Variants in SCRG1 observed in about 807,000 individuals in gnomAD.
SCRG1 encodes the protein stimulator of chondrogenesis 1, also known as scrapie-responsive protein 1.
SCRG1 carries 3 observed loss-of-function variants against 7.7 expected under a neutral mutation model. The observed-to-expected ratio is 0.39, with a 90% confidence interval of 0.18 to 1.01. The LOEUF (loss-of-function observed/expected upper bound fraction) is 1.01. Ranked by LOEUF, SCRG1 falls within the 50% of genes least tolerant of loss-of-function variation. The probability of loss-of-function intolerance (pLI) is 0.36; values close to 1 mark genes in which losing one functional copy is unlikely to be tolerated. For missense variants in SCRG1, 110 were observed against 117.2 expected (o/e 0.94, Z 0.28); for synonymous variants, 46 against 41.2 (o/e 1.12, Z -0.44).
At chr4:173,391,079 G>T (rs1739423087) in intron 2 of SCRG1, 94 bp downstream of exon 2, 5 of 1,302,026 alleles carry the variant, frequency 3.8e-6, no homozygotes, top group Non-Finnish European at 5.4e-6. Context: ...TACTAAAAGG[G>T]TTATTAATTT....
rs533541705 is a variant in SCRG1, at chr4:173,390,559, G to C, written c.242+614C>G. Among the ~76,000 whole-genome samples, 15 of 149,572 alleles carry C rather than the reference G, an allele frequency of 1.0e-4. No individual in the cohort carries two copies. In the South Asian group the frequency reaches 1.5e-3, roughly 15 times the overall value. Reference sequence around the variant, plus strand: ...GCGATCTCGGCTCACTGCAACCTCAGCCTCTCAGGTTCAAGCAATTCTCCT... The same window carrying C: ...GCGATCTCGGCTCACTGCAACCTCACCCTCTCAGGTTCAAGCAATTCTCCT... On this transcript the variant is annotated intron_variant, in intron 2 of 2. Transcript: ENST00000296506.
chr4:173,442,376 A>G, the SCRG1 span, among the ~76,000 whole-genome samples: 1 of 152,172 alleles, frequency 6.6e-6, no homozygotes, highest in Non-Finnish European at 1.5e-5. Context: ...TGCTGGGGCA[A>G]ATACATTCGG....
the SCRG1 span, among the ~76,000 whole-genome samples, chr4:173,515,487 T>G: frequency 6.6e-6 from 1 of 152,186 alleles, no homozygotes; most frequent in East Asian, 1.9e-4. This position sits in a 1 kb window ranked among gnomAD's most constrained non-coding sequence, Gnocchi z 4.6. Context: ...GTTCTTCATA[T>G]TTCAAGTTTT....
At chr4:173,448,337 A>C in the SCRG1 span, among the ~76,000 whole-genome samples, 1 of 152,246 alleles carries the variant, frequency 6.6e-6, no homozygotes, top group African/African-American at 2.4e-5. Flanking sequence ...ACCAGAACAA[A>C]GGGATTCACT....
chr4:173,407,374 A>T (rs1048187327), upstream of SCRG1, among the ~76,000 whole-genome samples: 4 of 145,954 alleles, frequency 2.7e-5, no homozygotes, highest in South Asian at 2.1e-4. Flanking sequence ...AAAATACATT[A>T]AAAAAAAAAA....
At chr4:173,416,145 C>T in the SCRG1 span, among the ~76,000 whole-genome samples, 1 of 152,334 alleles carries the variant, frequency 6.6e-6, no homozygotes, top group African/African-American at 2.4e-5. Flanking sequence ...CACTTCCAGT[C>T]AGAGGCCCTA....
At chr4:173,440,891 T>C in the SCRG1 span, among the ~76,000 whole-genome samples, 1 of 152,196 alleles carries the variant, frequency 6.6e-6, no homozygotes, top group Non-Finnish European at 1.5e-5. Context: ...CTTTCTCTTC[T>C]GTGTGTGTCC....
At chr4:173,492,788 T>A in the SCRG1 span, among the ~76,000 whole-genome samples, 7 of 152,258 alleles carry the variant, frequency 4.6e-5, no homozygotes, top group African/African-American at 1.4e-4. Context: ...TGTACTGCCT[T>A]TCAAATCCTA....
At chr4:173,433,893 C>T in the SCRG1 span, among the ~76,000 whole-genome samples, 1 of 152,224 alleles carries the variant, frequency 6.6e-6, no homozygotes, top group Non-Finnish European at 1.5e-5. Context: ...CTCTATGAGG[C>T]TCTCATCTAA....
At chr4:173,400,316 C>T (rs1249729266), upstream of SCRG1, among the ~76,000 whole-genome samples, 1 of 152,118 alleles carries the variant, frequency 6.6e-6, no homozygotes, top group African/African-American at 2.4e-5. Context: ...GACGATGATA[C>T]TGTTAATCAT....
chr4:173,507,232 C>T, the SCRG1 span, among the ~76,000 whole-genome samples: 3 of 150,408 alleles, frequency 2.0e-5, no homozygotes, highest in African/African-American at 5.0e-5. This position sits in a 1 kb window ranked among gnomAD's most constrained non-coding sequence, Gnocchi z 4.4. Context: ...TGTTTTAAGA[C>T]AGAGTCTTGC....
In SCRG1 at chr4:173,386,768, T is replaced by G. The variant is rs1472606386; in HGVS notation, c.*1573A>C. ...AATACTTTGTATGGCACCCTATACT[T>G]CTCTGTAGCAGGCTTCACATTTATA... On this transcript the variant is annotated 3_prime_UTR_variant, in exon 3 of 3. Coordinates refer to ENST00000296506, the MANE Select transcript of SCRG1 (RefSeq NM_007281.4). 6.6e-6 allele frequency: 1 copy of G among 152,208 alleles called. No individual in the cohort carries two copies. Among genetic ancestry groups the G allele is most frequent in the Admixed American group, 6.5e-5 (1 of 15,274 alleles). 9.4% of individuals were successfully genotyped at this position (152,208 alleles called of 1,614,324 possible).
At chr4:173,500,656 G>C in the SCRG1 span, among the ~76,000 whole-genome samples, 3 of 152,024 alleles carry the variant, frequency 2.0e-5, no homozygotes, top group Non-Finnish European at 4.4e-5. Context: ...AATTTATTTT[G>C]GTATTTTTTG....
chr4:173,494,852 T>G, the SCRG1 span, among the ~76,000 whole-genome samples: 2 of 152,240 alleles, frequency 1.3e-5, no homozygotes, highest in African/African-American at 4.8e-5. Flanking sequence ...ACTTAAAGTA[T>G]TATAAACAAG....
chr4:173,392,724 A>T (rs1161633218), intron 1 of SCRG1, among the ~76,000 whole-genome samples: 1 of 152,236 alleles, frequency 6.6e-6, no homozygotes, highest in African/African-American at 2.4e-5. Flanking sequence ...TCTTGTTAAC[A>T]GGTGCCAAAG....
the SCRG1 span, among the ~76,000 whole-genome samples, chr4:173,484,476 ATATATATTATATACATATAATATATAT>A: frequency 7.0e-3 from 135 of 19,286 alleles, no homozygotes; most frequent in African/African-American, 0.021. Context: ...ATAATATATA[ATATATATTATATACATATAATATATAT>A]TATATATTAT....
rs1055231370 is a variant in SCRG1, at chr4:173,386,156, A to C, written c.*2185T>G. On this transcript the variant is annotated 3_prime_UTR_variant, in exon 3 of 3. Transcript: ENST00000296506. The stretch of plus-strand genomic sequence containing the variant: ...TTATATACACTTTTTTTTTGGGGGG[A>C]CGGAGTCTCACTCTGTCGCCCAGGC... The C allele has an allele frequency of 4.6e-5, 7 of 151,522 alleles. No homozygotes were observed. The highest frequency in any genetic ancestry group is 7.3e-5 in the African/African-American group (3 of 41,184). 9.4% of individuals were successfully genotyped at this position (151,522 alleles called of 1,614,324 possible).
the SCRG1 span, among the ~76,000 whole-genome samples, chr4:173,444,265 C>A: frequency 6.6e-6 from 1 of 152,100 alleles, no homozygotes; most frequent in Non-Finnish European, 1.5e-5. Context: ...TGAGCCTCTG[C>A]GCCTGGCCAA....
the SCRG1 span, among the ~76,000 whole-genome samples, chr4:173,489,286 T>C: frequency 2.0e-5 from 3 of 152,202 alleles, no homozygotes; most frequent in African/African-American, 7.2e-5. Flanking sequence ...AAAGAGAAGA[T>C]TCCCACTGCT....
Sources: gnomAD v4.1 joint callset for allele counts (sites outside exome capture counted in the v4.1 genomes callset) on GRCh38, gnomAD v4.1.1 for gene constraint, Gnocchi (gnomAD v3.1) non-coding constraint, MANE v1.5 for transcripts, NCBI Gene and HGNC (gene_info 2026-07-23, HGNC 2026-07-21) for gene names.